Variants in PRKCH observed in about 807,000 individuals in gnomAD.
PRKCH encodes the protein protein kinase C eta.
PRKCH carries 28 observed loss-of-function variants against 82.5 expected under a neutral mutation model. The ratio of observed to expected loss-of-function variants is 0.34; its 90% CI spans 0.25 to 0.47. The LOEUF is 0.47. Ranked by LOEUF, PRKCH falls within the 20% of genes least tolerant of loss-of-function variation. The pLI is 1.00. For missense variants in PRKCH, 705 were observed against 881.8 expected (o/e 0.80, Z 2.54); for synonymous variants, 322 against 327.4 (o/e 0.98, Z 0.18).
At chr14:61,373,237 C>T (rs1407476754) in intron 1 of PRKCH, among the ~76,000 whole-genome samples, 1 of 151,788 alleles carries the variant, frequency 6.6e-6, no homozygotes, top group East Asian at 1.9e-4. Context: ...ACTCACAGTT[C>T]CACAGGCTGT....
intron 1 of PRKCH, among the ~76,000 whole-genome samples, chr14:61,346,860 T>C (rs2045998904): frequency 6.6e-6 from 1 of 152,264 alleles, no homozygotes; most frequent in Admixed American, 6.5e-5. Context: ...ACAGCCATTA[T>C]AGTAATGAAC....
intron 10 of PRKCH, among the ~76,000 whole-genome samples, chr14:61,488,195 C>A (rs1387634470): frequency 1.3e-5 from 2 of 151,250 alleles, no homozygotes; most frequent in Admixed American, 1.3e-4. Flanking sequence ...TGGTGGCATG[C>A]ACCTGTGGTC....
At chr14:61,362,984 C>G (rs770034940) in intron 1 of PRKCH, among the ~76,000 whole-genome samples, 1 of 152,186 alleles carries the variant, frequency 6.6e-6, no homozygotes, top group East Asian at 1.9e-4. Flanking sequence ...CTGGAGAAGT[C>G]GCCTAGACGG....
Position 61,322,169 on chromosome 14 carries a change from A to T in PRKCH, c.68A>T (p.Gln23Leu). The T allele has an allele frequency of 6.2e-7, 1 of 1,610,248 alleles. No homozygotes were observed. Among genetic ancestry groups the T allele is most frequent in the South Asian group, 1.1e-5 (1 of 90,424 alleles). The change falls in exon 1 of 14, where the codon CAG (glutamine) becomes CTG (leucine). Residue 23 changes from glutamine to leucine, a missense_variant. This residue lies in a region of PRKCH where 246 missense variants were observed against 308.0 expected (regional missense o/e 0.80). Coordinates refer to ENST00000332981, the MANE Select transcript of PRKCH (RefSeq NM_006255.5). The stretch of plus-strand genomic sequence containing the variant: ...CGCATCGGTGAGGCAGTGGGGCTGC[A>T]GCCCACCCGCTGGTCCCTGCGCCAC... ...RVRIGEAVGLQPTRWSLRHSL... is the reference protein window; with the variant it reads ...RVRIGEAVGLLPTRWSLRHSL...
At position 61,411,239 on chromosome 14, in the gene PRKCH, C is replaced by T. The variant is rs530574606; in HGVS notation, c.427+19951C>T. 2.0e-4 allele frequency among the ~76,000 whole-genome samples: 30 copies of T among 152,312 alleles called. No homozygotes were observed. The South Asian group carries it at 5.0e-3, about 25-fold the overall frequency. On this transcript the variant is annotated intron_variant, in intron 2 of 13. Transcript: ENST00000332981. ...TCATGTACCAGTCCCTTGTCCTCCT[C>T]GGTGACCAAGATAGGAATGGTGTCA...
chr14:61,534,887 G>A (rs964510870), intron 12 of PRKCH, among the ~76,000 whole-genome samples: 12 of 152,138 alleles, frequency 7.9e-5, no homozygotes, highest in African/African-American at 2.4e-4. Flanking sequence ...TGGAATGCAC[G>A]ATACAAGAGT....
chr14:61,391,083 C>T, intron 1 of PRKCH, 142 bp from the exon 2 acceptor site: 3 of 634,600 alleles, frequency 4.7e-6, no homozygotes, highest in Non-Finnish European at 7.6e-6. Flanking sequence ...TTCCCTGCCA[C>T]TCTACTATTT....
At chr14:61,269,010 T>C (rs1046341457) in intron 1 of PRKCH, among the ~76,000 whole-genome samples, 3 of 152,196 alleles carry the variant, frequency 2.0e-5, no homozygotes, top group African/African-American at 7.2e-5. Flanking sequence ...AAAGACATAT[T>C]CTTCCTATTT....
chr14:61,422,418 G>C (rs1175118794), intron 2 of PRKCH, among the ~76,000 whole-genome samples: 1 of 152,196 alleles, frequency 6.6e-6, no homozygotes, highest in Admixed American at 6.5e-5. Flanking sequence ...TAGGAGCATA[G>C]CAGGGTGCAG....
At chr14:61,261,591 G>A (rs535142509) in intron 1 of PRKCH, among the ~76,000 whole-genome samples, 3 of 152,122 alleles carry the variant, frequency 2.0e-5, no homozygotes, top group Non-Finnish European at 4.4e-5. Context: ...GCAGGGGAAG[G>A]CTCTCTTGCT....
chr14:61,295,634 T>TA (rs1353307376), intron 1 of PRKCH, among the ~76,000 whole-genome samples: 2 of 152,240 alleles, frequency 1.3e-5, no homozygotes, highest in Non-Finnish European at 2.9e-5. Flanking sequence ...TAGTAAGTGA[T>TA]ACGTTGGTCT....
chr14:61,389,385 G>C (rs1284431293), intron 1 of PRKCH, among the ~76,000 whole-genome samples: 5 of 152,040 alleles, frequency 3.3e-5, no homozygotes, highest in African/African-American at 1.2e-4. Flanking sequence ...ATATGTGGAG[G>C]CTGTGTTAGA....
chr14:61,198,541 T>C (rs1387792494), intron 1 of PRKCH, among the ~76,000 whole-genome samples: 1 of 152,240 alleles, frequency 6.6e-6, no homozygotes, highest in Non-Finnish European at 1.5e-5. Flanking sequence ...GTGTATATTA[T>C]ATTGCATTGT....
At chr14:61,211,917 T>C (rs980076900) in intron 1 of PRKCH, among the ~76,000 whole-genome samples, 1 of 152,206 alleles carries the variant, frequency 6.6e-6, no homozygotes, top group Non-Finnish European at 1.5e-5. Context: ...GCAGTTATTA[T>C]AACTGGAGAG....
chr14:61,311,746 AT>A lies in PRKCH; in HGVS notation c.-19+124081del, dbSNP rs1222323338. ...TGGCTGGGGAGACCTCAGGAAACTT[AT>A]TTCGGTTGGTGCAAAGTAATTGTAG... is the stretch of plus-strand genomic sequence containing the variant. On this transcript the variant is annotated intron_variant, in intron 1 of 3. Transcript: ENST00000555185. 4.6e-5 allele frequency among the ~76,000 whole-genome samples: 7 copies of A among 152,348 alleles called. No homozygotes were observed. The East Asian group carries it at 1.3e-3, about 29-fold the overall frequency.
intron 10 of PRKCH, among the ~76,000 whole-genome samples, chr14:61,524,153 C>A (rs1452984669): frequency 1.3e-5 from 2 of 152,250 alleles, no homozygotes; most frequent in African/African-American, 4.8e-5. Flanking sequence ...CTCTAGTGAT[C>A]TAAGCAGTAA....
At chr14:61,491,918 A>G (rs1886464956) in intron 10 of PRKCH, among the ~76,000 whole-genome samples, 1 of 152,256 alleles carries the variant, frequency 6.6e-6, no homozygotes, top group African/African-American at 2.4e-5. Flanking sequence ...GACTAGTGCT[A>G]TGAAGAGGAG....
At chr14:61,327,536 A>G (rs2045714229) in intron 1 of PRKCH, among the ~76,000 whole-genome samples, 1 of 152,224 alleles carries the variant, frequency 6.6e-6, no homozygotes, top group African/African-American at 2.4e-5. Context: ...GAATTTTGCT[A>G]CAGTGGGACC....
At chr14:61,274,037 A>G (rs925013988) in intron 1 of PRKCH, among the ~76,000 whole-genome samples, 1 of 152,228 alleles carries the variant, frequency 6.6e-6, no homozygotes, top group Non-Finnish European at 1.5e-5. Flanking sequence ...ATCAGCTTCT[A>G]GGCACATAGC....
Sources: gnomAD v4.1 joint callset for allele counts (sites outside exome capture counted in the v4.1 genomes callset) on GRCh38, gnomAD v4.1.1 for gene constraint, gnomAD v4.1.1 regional missense constraint, MANE v1.5 for transcripts, NCBI Gene and HGNC (gene_info 2026-07-23, HGNC 2026-07-21) for gene names.